Variants in PRPF8 observed in about 807,000 individuals in gnomAD.
PRPF8 encodes the protein pre-mRNA processing factor 8.
PRPF8 carries 64 observed loss-of-function variants against 285.9 expected under a neutral mutation model. That is an observed-to-expected ratio of 0.22 (90% CI 0.18 to 0.28). The LOEUF (loss-of-function observed/expected upper bound fraction) is 0.28. PRPF8 is among the 10% of genes least tolerant of loss of function. The pLI is 1.00. For missense variants in PRPF8, 1,426 were observed against 3,026.7 expected (o/e 0.47, Z 12.41); for synonymous variants, 1,325 against 1,118.2 (o/e 1.18, Z -3.69).
chr17:1,653,782 C>T lies in PRPF8; in HGVS notation c.6222G>A (p.Arg2074=). 1 of 1,614,138 alleles carries T rather than the reference C, an allele frequency of 6.2e-7. No homozygotes were observed. The highest frequency in any genetic ancestry group is 8.5e-7 in the Non-Finnish European group (1 of 1,180,038). Residue 2074 remains arginine (R), a synonymous_variant, in exon 38 of 43, where the codon AGG becomes AGA. Transcript: ENST00000304992. The surrounding 1 kb of genome is among the most constrained non-coding windows in gnomAD (Gnocchi z 4.9). ...TQTFSSKTEW[R]VRAISAANLH... Reference sequence around the variant, plus strand: ...ACCCTCTTGCCCGACAGTACCTGACCCTCCACTCAGTCTTGGATGAGAAAG... The same window carrying T: ...ACCCTCTTGCCCGACAGTACCTGACTCTCCACTCAGTCTTGGATGAGAAAG...
At position 1,659,842 on chromosome 17, in the gene PRPF8, T is replaced by G; in HGVS notation, c.4945A>C (p.Lys1649Gln). ...AGGGCTGGGTCCTGAGGCACTTACT[T>G]GGAGTCAGCCAGCAATGAGGGCCGG... is the stretch of plus-strand genomic sequence containing the variant. ...VSRPSLLADS[K>Q]DVMDSTTTQK... The change falls in exon 31 of 43, where the codon AAG (lysine) becomes CAG (glutamine). Residue 1649 changes from lysine to glutamine, a missense_variant and splice_region_variant. Lys to Gln is a moderately conservative substitution (Grantham distance 53, BLOSUM62 1). This residue lies in a region of PRPF8 where 74 missense variants were observed against 161.8 expected (regional missense o/e 0.46). Coordinates refer to ENST00000304992, the MANE Select transcript of PRPF8 (RefSeq NM_006445.4). The surrounding 1 kb of genome is among the most constrained non-coding windows in gnomAD (Gnocchi z 5.1). The G allele has an allele frequency of 6.2e-7, 1 of 1,614,118 alleles. No homozygotes were observed. Among genetic ancestry groups the G allele is most frequent in the Non-Finnish European group, 8.5e-7 (1 of 1,179,998 alleles).
Position 1,661,636 on chromosome 17 carries a change from T to C in PRPF8, c.4177A>G (p.Arg1393Gly). ...QRVWAEYALK[R>G]QEAIAQNRRL... ...CTGTTCTGAGCAATGGCCTCTTGCC[T>C]CTTGAGTGCGTACTCAGCCCAGACC... is the stretch of plus-strand genomic sequence containing the variant. Residue 1393 changes from arginine (R) to glycine (G), a missense_variant, in exon 26 of 43, where the codon AGG (arginine) becomes GGG (glycine). This residue lies in a region of PRPF8 where 40 missense variants were observed against 121.6 expected (regional missense o/e 0.33). Transcript: ENST00000304992. This position sits in a 1 kb window ranked among gnomAD's most constrained non-coding sequence, Gnocchi z 7.3. The C allele has an allele frequency of 6.2e-7, 1 of 1,613,604 alleles. No homozygotes were observed. The highest frequency in any genetic ancestry group is 8.5e-7 in the Non-Finnish European group (1 of 1,180,024).
At chr17:1,652,332 G>A (rs1355199728) in intron 39 of PRPF8, among the ~76,000 whole-genome samples, 1 of 152,094 alleles carries the variant, frequency 6.6e-6, no homozygotes, top group Admixed American at 6.5e-5. Context: ...TCCGCCTCCT[G>A]GGTTCAAGCA....
At chr17:1,655,666 GC>G (rs1487132867) in intron 36 of PRPF8, 123 bp from the exon 37 acceptor site, 2 of 844,014 alleles carry the variant, frequency 2.4e-6, no homozygotes, top group Non-Finnish European at 3.8e-6. Flanking sequence ...TTGCTCTGTC[GC>G]CCAGGCTGGA....
intron 24 of PRPF8, among the ~76,000 whole-genome samples, chr17:1,671,451 ACTCACAC>A (rs1912310418): frequency 6.6e-6 from 1 of 152,132 alleles, no homozygotes; most frequent in South Asian, 2.1e-4. Context: ...GGGCACGGTG[ACTCACAC>A]CTATAATCCA....
chr17:1,654,086 G>T lies in PRPF8; in HGVS notation c.5988-70C>A, dbSNP rs1303250947. The T allele has an allele frequency of 3.1e-6, 5 of 1,610,584 alleles. No individual in the cohort carries two copies. The East Asian group carries it at 8.9e-5, about 29-fold the overall frequency. ...GGTCACTTCTGCCTCAATGGAAAGG[G>T]TGTAACTTGGTAGGACAGGACAGCC... On this transcript the variant is annotated intron_variant, in intron 37 of 42. Transcript: ENST00000304992.
chr17:1,659,351 A>C lies in PRPF8; in HGVS notation c.5138+6T>G. ...TGAAAATACATGGTCCTGAGCCTCA[A>C]CTCACCTGTGCAAGTTATAGGCCAG... On this transcript the variant is annotated splice_donor_region_variant and intron_variant, in intron 32 of 42. Coordinates refer to ENST00000304992, the MANE Select transcript of PRPF8 (RefSeq NM_006445.4). The surrounding 1 kb of genome is among the most constrained non-coding windows in gnomAD (Gnocchi z 5.1). 2 of 1,613,740 alleles carry C rather than the reference A, an allele frequency of 1.2e-6. No homozygotes were observed. Among genetic ancestry groups the C allele is most frequent in the Non-Finnish European group, 1.7e-6 (2 of 1,179,954 alleles).
intron 24 of PRPF8, among the ~76,000 whole-genome samples, chr17:1,668,543 T>C (rs1044640978): frequency 1.3e-5 from 2 of 151,864 alleles, no homozygotes; most frequent in African/African-American, 4.8e-5. Context: ...TTTGTATTTT[T>C]AGTAGAGACG....
chr17:1,659,151 G>A lies in PRPF8; in HGVS notation c.5138+206C>T. The A allele has an allele frequency of 1.5e-6, 1 of 678,672 alleles. No homozygotes were observed. Among genetic ancestry groups the A allele is most frequent in the Non-Finnish European group, 2.6e-6 (1 of 383,724 alleles). The allele number at this position is 678,672 out of a possible 1,614,324, so 42.0% of individuals were successfully genotyped here. ...AGTAATTCTCCCACCTCAACCTTCT[G>A]AGTAGCTGGGACTACAGGCGTGGAC... is the stretch of plus-strand genomic sequence containing the variant. On this transcript the variant is annotated intron_variant, in intron 32 of 42. Coordinates refer to ENST00000304992, the MANE Select transcript of PRPF8 (RefSeq NM_006445.4). This position sits in a 1 kb window ranked among gnomAD's most constrained non-coding sequence, Gnocchi z 5.1.
rs531537102 is a variant in PRPF8, at chr17:1,670,883, G to C, written c.3774+2198C>G. On this transcript the variant is annotated intron_variant, in intron 24 of 42. Coordinates refer to ENST00000304992, the MANE Select transcript of PRPF8 (RefSeq NM_006445.4). ...CCATCTTTCTCACAGCTGCAAGAGT[G>C]AATCATCTAACACAGAAATTTGACA... Among the ~76,000 whole-genome samples the C allele has an allele frequency of 3.3e-5, 5 of 151,576 alleles. No individual in the cohort carries two copies. In the East Asian group the frequency reaches 9.7e-4, roughly 29 times the overall value.
chr17:1,654,698 C>G (rs527503237), intron 37 of PRPF8: 2 of 169,088 alleles, frequency 1.2e-5, no homozygotes, highest in African/African-American at 4.8e-5. Context: ...GTGGCATCAT[C>G]ATGGCTCACT....
intron 37 of PRPF8, chr17:1,654,972 T>C: frequency 5.1e-6 from 1 of 197,382 alleles, no homozygotes; most frequent in South Asian, 8.8e-5. Context: ...TTTTTTTTTT[T>C]TTTTGGAGAC....
Position 1,658,622 on chromosome 17 carries a change from C to A in PRPF8, c.5280G>T (p.Glu1760Asp). 1 of 1,614,202 alleles carries A rather than the reference C, an allele frequency of 6.2e-7. No homozygotes were observed. Among genetic ancestry groups the A allele is most frequent in the Non-Finnish European group, 8.5e-7 (1 of 1,180,040 alleles). ...CATAGTTCTGAGAAGACAAATAAGG[C>A]TCAGTGGGTTCAGATGAATAGAGCT... ...GLQLYSSEPTEPYLSSQNYGE... is the reference protein window; with the variant it reads ...GLQLYSSEPTDPYLSSQNYGE... Residue 1760 changes from glutamate to aspartate, a missense_variant, in exon 33 of 43, where the codon GAG becomes GAT. Around this residue, in one of 34 missense-constraint regions of PRPF8, gnomAD observed 19 missense variants for 92.8 expected, o/e 0.20. Transcript: ENST00000304992. The surrounding 1 kb of genome is among the most constrained non-coding windows in gnomAD (Gnocchi z 4.1).
At position 1,658,717 on chromosome 17, in the gene PRPF8, C is replaced by T. The variant is rs1911523932; in HGVS notation, c.5185G>A (p.Ala1729Thr). 6.2e-7 allele frequency: 1 copy of T among 1,614,070 alleles called. No individual in the cohort carries two copies. Among genetic ancestry groups the T allele is most frequent in the Non-Finnish European group, 8.5e-7 (1 of 1,180,056 alleles). Residue 1729 changes from alanine (A) to threonine (T), a missense_variant, in exon 33 of 43, where the codon GCC becomes ACC. Around this residue, in one of 34 missense-constraint regions of PRPF8, gnomAD observed 74 missense variants for 161.8 expected, o/e 0.46. Coordinates refer to ENST00000304992, the MANE Select transcript of PRPF8 (RefSeq NM_006445.4). This position sits in a 1 kb window ranked among gnomAD's most constrained non-coding sequence, Gnocchi z 4.1. ...FPGSKPLIQQ[A>T]MAKIMKANPA... is the part of the protein sequence containing the mutation. ...TTTGCCTTCATGATCTTGGCCATGG[C>T]CTGTTGTATGAGAGGCTTGCTGCCT...
chr17:1,666,546 C>T (rs961460000), intron 24 of PRPF8, among the ~76,000 whole-genome samples: 5 of 112,856 alleles, frequency 4.4e-5, no homozygotes, highest in African/African-American at 1.4e-4. Flanking sequence ...GACCCCATCT[C>T]AAAAAAAAAA....
Position 1,655,448 on chromosome 17 carries a change from T to C in PRPF8, c.5889A>G (p.Glu1963=), listed in dbSNP as rs1597227637. ...TCAGAGTGGGCCAGATGTGGTGTGG[T>C]TCTGTAATAGTAGTCTTGTCTGGCT... is the stretch of plus-strand genomic sequence containing the variant. The part of the protein sequence containing the change: ...ILKPDKTTIT[E]PHHIWPTLTD... The change falls in exon 37 of 43, where the codon GAA becomes GAG. Residue 1963 remains glutamate (E), a synonymous_variant. Coordinates refer to ENST00000304992, the MANE Select transcript of PRPF8 (RefSeq NM_006445.4). The C allele has an allele frequency of 4.3e-6, 7 of 1,614,028 alleles. No individual in the cohort carries two copies. The highest frequency in any genetic ancestry group is 1.3e-5 in the African/African-American group (1 of 74,988).
intron 11 of PRPF8, 45 bp downstream of exon 11, chr17:1,678,972 T>C: frequency 6.2e-7 from 1 of 1,613,652 alleles, no homozygotes; most frequent in African/African-American, 1.3e-5. Flanking sequence ...AAAACAACTG[T>C]CCGTCCTTGA....
At chr17:1,670,281 G>A (rs887225226) in intron 24 of PRPF8, among the ~76,000 whole-genome samples, 1 of 152,022 alleles carries the variant, frequency 6.6e-6, no homozygotes, top group South Asian at 2.1e-4. Flanking sequence ...CTTTATCTTC[G>A]ATCCTAAACC....
intron 20 of PRPF8, 61 bp from the exon 21 acceptor site, chr17:1,674,741 T>G: frequency 1.3e-6 from 2 of 1,524,974 alleles, no homozygotes; most frequent in Non-Finnish European, 1.8e-6. Flanking sequence ...TCTCCAGAGT[T>G]AACCTCTTTT....
Sources: gnomAD v4.1 joint callset for allele counts (sites outside exome capture counted in the v4.1 genomes callset) on GRCh38, gnomAD v4.1.1 for gene constraint, gnomAD v4.1.1 regional missense constraint, Gnocchi (gnomAD v3.1) non-coding constraint, MANE v1.5 for transcripts, NCBI Gene and HGNC (gene_info 2026-07-23, HGNC 2026-07-21) for gene names.